Variants in HOXD11 observed in about 807,000 individuals in gnomAD.
HOXD11 encodes homeobox D11, also known as homeobox protein Hox-D11.
Under a neutral mutation model 23.1 loss-of-function variants are expected in HOXD11, and 16 were observed. The observed-to-expected ratio is 0.69, with a 90% CI of 0.47 to 1.05. The LOEUF (loss-of-function observed/expected upper bound fraction) is 1.05. HOXD11 is among the 50% of genes least tolerant of loss of function. HOXD11 has a pLI of 0.00. For synonymous variants in HOXD11, 262 were observed against 224.4 expected (o/e 1.17, Z -1.50); for missense variants, 564 against 495.6 (o/e 1.14, Z -1.31).
chr2:176,107,934 G>A lies in HOXD11; in HGVS notation c.579G>A (p.Pro193=), dbSNP rs1311052589. 3.5e-6 allele frequency: 5 copies of A among 1,412,872 alleles called. No individual in the cohort carries two copies. Among genetic ancestry groups the A allele is most frequent in the Non-Finnish European group, 3.7e-6 (4 of 1,085,338 alleles). 87.5% of individuals were successfully genotyped at this position (1,412,872 alleles called of 1,614,324 possible). ...EAAPGPPFAG[P]QPPPPPAPPQ... is the part of the protein sequence containing the mutation. ...CGCCCGGGCCCCCGTTCGCCGGGCC[G>A]CAGCCCCCGCCGCCACCCGCGCCGC... Residue 193 remains proline, a synonymous_variant, in exon 1 of 2, where the codon CCG becomes CCA. Coordinates refer to ENST00000249504, the MANE Select transcript of HOXD11 (RefSeq NM_021192.3).
downstream of HOXD11, among the ~76,000 whole-genome samples, chr2:176,112,052 C>T (rs1474582639): frequency 2.0e-5 from 3 of 152,114 alleles, no homozygotes; most frequent in Non-Finnish European, 2.9e-5. Flanking sequence ...GCCGGCAGGA[C>T]TGTGAGTTGG....
At chr2:176,108,374 C>T (rs1437761586) in intron 1 of HOXD11, among the ~76,000 whole-genome samples, 1 of 150,930 alleles carries the variant, frequency 6.6e-6, no homozygotes, top group African/African-American at 2.4e-5. Context: ...AGCCTTTTCC[C>T]AGTTTTGGGC....
chr2:176,112,538 G>A (rs1689691852), downstream of HOXD11, among the ~76,000 whole-genome samples: 1 of 152,212 alleles, frequency 6.6e-6, no homozygotes. Context: ...TGGGGAGGCC[G>A]GGGCTCCAGT....
downstream of HOXD11, among the ~76,000 whole-genome samples, chr2:176,110,206 C>T (rs966620946): frequency 6.6e-5 from 10 of 152,318 alleles, no homozygotes; most frequent in South Asian, 2.1e-4. Flanking sequence ...GACCCTCTCA[C>T]GGCATTTATC....
At chr2:176,108,868 C>A in intron 1 of HOXD11, 39 bp from the exon 2 acceptor site, 1 of 1,468,402 alleles carries the variant, frequency 6.8e-7, no homozygotes, top group Non-Finnish European at 9.5e-7. Flanking sequence ...GGCTGTCAGG[C>A]AGCGGCCTCT....
At position 176,107,792 on chromosome 2, in the gene HOXD11, C is replaced by G. The variant is rs1332587988; in HGVS notation, c.437C>G (p.Pro146Arg). 1.2e-5 allele frequency: 16 copies of G among 1,349,350 alleles called. No individual in the cohort carries two copies. Among genetic ancestry groups the G allele is most frequent in the Middle Eastern group, 2.8e-4 (1 of 3,590 alleles). 83.6% of individuals were successfully genotyped at this position (1,349,350 alleles called of 1,614,324 possible). A position where few individuals can be genotyped will look rare whatever the true frequency, so the allele number is the denominator to read the frequency against. The change falls in exon 1 of 2, where the codon CCG becomes CGG. Residue 146 changes from proline to arginine, a missense_variant. Pro to Arg is a moderately radical substitution (Grantham distance 103). Coordinates refer to ENST00000249504, the MANE Select transcript of HOXD11 (RefSeq NM_021192.3). ...GACGTGCTCTTCAAGGCGCCTGAGC[C>G]GGTGTGCGCTGCGCCGGGGCCGCCG... ...RPDVLFKAPE[P>R]VCAAPGPPHG...
Position 176,108,026 on chromosome 2 carries a change from C to A in HOXD11, c.671C>A (p.Pro224His). The change falls in exon 1 of 2, where the codon CCC becomes CAC. Residue 224 changes from proline to histidine, a missense_variant. Physicochemically the swap from Pro to His is moderately conservative, Grantham distance 77. Coordinates refer to ENST00000249504, the MANE Select transcript of HOXD11 (RefSeq NM_021192.3). Reference protein sequence around the residue: ...RTGAGGGGGSPCTKATPGSEP... With the variant: ...RTGAGGGGGSHCTKATPGSEP... ...GGGGCTGGTGGCGGCGGGGGCAGTCCCTGCACCAAGGCGACCCCTGGCTCG... is the reference window on the plus strand; with the variant it reads ...GGGGCTGGTGGCGGCGGGGGCAGTCACTGCACCAAGGCGACCCCTGGCTCG... 6.7e-7 allele frequency: 1 copy of A among 1,493,802 alleles called. No homozygotes were observed. Among genetic ancestry groups the A allele is most frequent in the Non-Finnish European group, 8.9e-7 (1 of 1,127,568 alleles). The allele number at this position is 1,493,802 out of a possible 1,614,324, so 92.5% of individuals were successfully genotyped here.
At position 176,107,581 on chromosome 2, in the gene HOXD11, C is replaced by G. The variant is rs778507016; in HGVS notation, c.226C>G (p.Arg76Gly). 2 of 1,401,058 alleles carry G rather than the reference C, an allele frequency of 1.4e-6. No homozygotes were observed. The highest frequency in any genetic ancestry group is 1.9e-6 in the Non-Finnish European group (2 of 1,053,578). 86.8% of individuals were successfully genotyped at this position (1,401,058 alleles called of 1,614,324 possible). ...CCTGGAGCGCGCCAAGTGGCCGTAC[C>G]GCGGCGGCGGCGGCGGCGGCAGCGC... The part of the protein sequence containing the change: ...YGLERAKWPY[R>G]GGGGGGSAGG... The change falls in exon 1 of 2, where the codon CGC becomes GGC. Residue 76 changes from arginine (R) to glycine (G), a missense_variant. Coordinates refer to ENST00000249504, the MANE Select transcript of HOXD11 (RefSeq NM_021192.3).
rs1689639314 is a variant in HOXD11 at position 176,109,116 on chromosome 2, T to C, written c.991T>C (p.Tyr331His). The C allele has an allele frequency of 6.2e-7, 1 of 1,613,454 alleles. No homozygotes were observed. Among genetic ancestry groups the C allele is most frequent in the Middle Eastern group, 1.6e-4 (1 of 6,062 alleles). Residue 331 changes from tyrosine to histidine, a missense_variant, in exon 2 of 2, where the codon TAT becomes CAT. Transcript: ENST00000249504. The part of the protein sequence containing the change: ...EKKLNRDRLQ[Y>H]FTGNPLF ...GAAACTGAACAGAGACCGTCTGCAG[T>C]ATTTCACTGGAAACCCCTTATTTTG...
Position 176,107,666 on chromosome 2 carries a change from C to T in HOXD11, c.311C>T (p.Ala104Val). ...GGGGGGAGGY[A>V]PYYAAAAAAA... ...GGCGGCGGCGGCGCGGGGGGCTACG[C>T]TCCCTACTACGCGGCGGCGGCGGCG... is the stretch of plus-strand genomic sequence containing the variant. The change falls in exon 1 of 2, where the codon GCT (alanine) becomes GTT (valine). Residue 104 changes from alanine (A) to valine (V), a missense_variant. By Grantham distance (64) the Ala-to-Val change is moderately conservative (BLOSUM62 0). Transcript: ENST00000249504. 1.0e-6 allele frequency: 1 copy of T among 980,244 alleles called. No homozygotes were observed. Among genetic ancestry groups the T allele is most frequent in the Non-Finnish European group, 1.2e-6 (1 of 826,882 alleles). The allele number at this position is 980,244 out of a possible 1,614,324, so 60.7% of individuals were successfully genotyped here.
At chr2:176,112,441 C>T (rs944718263), downstream of HOXD11, among the ~76,000 whole-genome samples, 7 of 152,226 alleles carry the variant, frequency 4.6e-5, no homozygotes, top group African/African-American at 7.2e-5. Context: ...CCAGAATTAG[C>T]GCTGGCCTTG....
Position 176,107,338 on chromosome 2 carries a change from C to A in HOXD11, c.-18C>A. ...CGGGGAGCGGCCAGAGGCTCGCTGG[C>A]GCGCACGCCGCGGAGTCATGAACGA... On this transcript the variant is annotated 5_prime_UTR_variant, in exon 1 of 2. Coordinates refer to ENST00000249504, the MANE Select transcript of HOXD11 (RefSeq NM_021192.3). The A allele has an allele frequency of 3.8e-6, 6 of 1,558,644 alleles. No homozygotes were observed. Among genetic ancestry groups the A allele is most frequent in the Non-Finnish European group, 5.2e-6 (6 of 1,154,538 alleles).
downstream of HOXD11, among the ~76,000 whole-genome samples, chr2:176,113,827 T>C (rs976467727): frequency 1.3e-5 from 2 of 152,168 alleles, no homozygotes; most frequent in Admixed American, 6.5e-5. Context: ...CCTATTTAAC[T>C]CTAACCAATA....
At chr2:176,110,140 T>C (rs1482756574), downstream of HOXD11, among the ~76,000 whole-genome samples, 2 of 152,312 alleles carry the variant, frequency 1.3e-5, no homozygotes, top group Middle Eastern at 3.4e-3. Context: ...TAAGTGGACC[T>C]GGAGTAGGGA....
At position 176,107,605 on chromosome 2, in the gene HOXD11, G is replaced by T; in HGVS notation, c.250G>T (p.Ala84Ser). ...PYRGGGGGGS[A>S]GGGSSGGGPG... Reference sequence around the variant, plus strand: ...CCGCGGCGGCGGCGGCGGCGGCAGCGCGGGGGGCGGCAGCAGCGGGGGCGG... The same window carrying T: ...CCGCGGCGGCGGCGGCGGCGGCAGCTCGGGGGGCGGCAGCAGCGGGGGCGG... The change falls in exon 1 of 2, where the codon GCG (alanine) becomes TCG (serine). Residue 84 changes from alanine to serine, a missense_variant. Physicochemically the swap from Ala to Ser is moderately conservative, Grantham distance 99. Coordinates refer to ENST00000249504, the MANE Select transcript of HOXD11 (RefSeq NM_021192.3). 8.0e-7 allele frequency: 1 copy of T among 1,252,606 alleles called. No homozygotes were observed. The highest frequency in any genetic ancestry group is 2.8e-5 in the South Asian group (1 of 35,838). 77.6% of individuals were successfully genotyped at this position (1,252,606 alleles called of 1,614,324 possible). A position where few individuals can be genotyped will look rare whatever the true frequency, so the allele number is the denominator to read the frequency against.
downstream of HOXD11, among the ~76,000 whole-genome samples, chr2:176,114,035 G>A (rs1418405010): frequency 6.6e-6 from 1 of 152,246 alleles, no homozygotes. Context: ...TTCCCGATTA[G>A]ATTAAACAGT....
rs1198392158 is a variant in HOXD11 at position 176,107,942 on chromosome 2, C to G, written c.587C>G (p.Pro196Arg). 1.4e-6 allele frequency: 2 copies of G among 1,404,384 alleles called. No individual in the cohort carries two copies. Among genetic ancestry groups the G allele is most frequent in the South Asian group, 3.1e-5 (2 of 64,200 alleles). The allele number at this position is 1,404,384 out of a possible 1,614,324, so 87.0% of individuals were successfully genotyped here. A position where few individuals can be genotyped will look rare whatever the true frequency, so the allele number is the denominator to read the frequency against. Residue 196 changes from proline (P) to arginine (R), a missense_variant, in exon 1 of 2, where the codon CCG becomes CGG. Coordinates refer to ENST00000249504, the MANE Select transcript of HOXD11 (RefSeq NM_021192.3). ...CCCCCGTTCGCCGGGCCGCAGCCCC[C>G]GCCGCCACCCGCGCCGCCACAGCCC... ...PGPPFAGPQP[P>R]PPPAPPQPEG...
Position 176,107,811 on chromosome 2 carries a change from G to A in HOXD11, c.456G>A (p.Gly152=). ...CTGAGCCGGTGTGCGCTGCGCCGGG[G>A]CCGCCGCACGGCCCCGCGGGCGCCG... is the stretch of plus-strand genomic sequence containing the variant. ...KAPEPVCAAP[G]PPHGPAGAAS... is the part of the protein sequence containing the mutation. Residue 152 remains glycine, a synonymous_variant, in exon 1 of 2, where the codon GGG becomes GGA. Coordinates refer to ENST00000249504, the MANE Select transcript of HOXD11 (RefSeq NM_021192.3). The A allele has an allele frequency of 2.1e-6, 3 of 1,398,458 alleles. No homozygotes were observed. Among genetic ancestry groups the A allele is most frequent in the Non-Finnish European group, 1.9e-6 (2 of 1,075,456 alleles). The allele number at this position is 1,398,458 out of a possible 1,614,324, so 86.6% of individuals were successfully genotyped here.
chr2:176,108,444 G>A (rs1449456466), intron 1 of HOXD11, among the ~76,000 whole-genome samples: 1 of 151,594 alleles, frequency 6.6e-6, no homozygotes, highest in Non-Finnish European at 1.5e-5. Flanking sequence ...CAGTGTGAGT[G>A]CATACACCGG....
Sources: gnomAD v4.1 joint callset for allele counts (sites outside exome capture counted in the v4.1 genomes callset) on GRCh38, gnomAD v4.1.1 for gene constraint, MANE v1.5 for transcripts, NCBI Gene and HGNC (gene_info 2026-07-23, HGNC 2026-07-21) for gene names.